CACNA1C: variants seen among roughly 807,000 people sequenced by gnomAD.
The protein encoded by CACNA1C is calcium voltage-gated channel subunit alpha1 C, also known as voltage-dependent L-type calcium channel subunit alpha-1C.
CACNA1C carries 30 observed loss-of-function variants against 229.0 expected under a neutral mutation model. The observed-to-expected ratio is 0.13, with a 90% confidence interval of 0.10 to 0.18. The LOEUF is 0.18. Among genes scored for constraint, CACNA1C ranks in the 10% least tolerant of loss-of-function variants. CACNA1C has a pLI of 1.00. For synonymous variants in CACNA1C, 1,114 were observed against 1,132.5 expected (o/e 0.98, Z 0.33); for missense variants, 1,658 against 2,845.0 (o/e 0.58, Z 9.49).
At chr12:2,337,640 A>G (rs2283301) in intron 3 of CACNA1C, among the ~76,000 whole-genome samples, 71,308 of 152,158 alleles carry the variant, frequency 0.47, 19,282 homozygotes, top group Non-Finnish European at 0.6. Context: ...CCCTTTAATA[A>G]TAATAGCTAA....
At chr12:2,295,784 C>A (rs1375018184) in intron 3 of CACNA1C, among the ~76,000 whole-genome samples, 1 of 152,224 alleles carries the variant, frequency 6.6e-6, no homozygotes, top group African/African-American at 2.4e-5. Flanking sequence ...CATACCTTGA[C>A]CAAGGTCATG....
At chr12:2,388,938 T>A (rs982899233) in intron 3 of CACNA1C, among the ~76,000 whole-genome samples, 3 of 152,160 alleles carry the variant, frequency 2.0e-5, no homozygotes, top group Non-Finnish European at 4.4e-5. Flanking sequence ...AGGAGAGATG[T>A]GGGAGAGAAA....
chr12:2,070,284 G>T (rs2060730175), intron 1 of CACNA1C, among the ~76,000 whole-genome samples: 1 of 152,206 alleles, frequency 6.6e-6, no homozygotes, highest in Non-Finnish European at 1.5e-5. Context: ...AAACTACTGA[G>T]AGAGTCTTAA....
intron 3 of CACNA1C, among the ~76,000 whole-genome samples, chr12:2,280,209 A>G (rs922996848): frequency 3.4e-5 from 4 of 118,724 alleles, no homozygotes; most frequent in African/African-American, 1.6e-4. Flanking sequence ...ACCTCTTGAG[A>G]CCTTGCTGTG....
intron 1 of CACNA1C, chr12:2,004,171 T>A (rs1324859538): frequency 1.4e-6 from 2 of 1,478,578 alleles, no homozygotes; most frequent in Non-Finnish European, 1.8e-6. Flanking sequence ...TCCACCCACT[T>A]CCAGGGCGTC....
intron 9 of CACNA1C, among the ~76,000 whole-genome samples, chr12:2,521,948 G>C (rs1371282200): frequency 2.6e-5 from 4 of 152,174 alleles, no homozygotes; most frequent in African/African-American, 9.7e-5. Flanking sequence ...TCTCCAACCT[G>C]TCCCAGCCAA....
At chr12:2,175,107 A>G (rs1212801042) in intron 3 of CACNA1C, among the ~76,000 whole-genome samples, 1 of 152,124 alleles carries the variant, frequency 6.6e-6, no homozygotes, top group Non-Finnish European at 1.5e-5. Context: ...GACAAGATTT[A>G]AAAAAATATA....
intron 11 of CACNA1C, among the ~76,000 whole-genome samples, chr12:2,558,929 G>A (rs756210041): frequency 1.3e-5 from 2 of 152,036 alleles, no homozygotes; most frequent in African/African-American, 2.4e-5. Context: ...CAGAGCAAGA[G>A]CTCCAGAAAT....
intron 3 of CACNA1C, among the ~76,000 whole-genome samples, chr12:2,141,364 G>C (rs1303335701): frequency 1.3e-5 from 2 of 151,236 alleles, no homozygotes; most frequent in Non-Finnish European, 3.0e-5. Flanking sequence ...GTGGTTGCCA[G>C]AGGGCCTGGC....
At chr12:2,611,819 C>A (rs1200140285) in intron 28 of CACNA1C, 84 bp from the exon 29 acceptor site, 7 of 818,760 alleles carry the variant, frequency 8.5e-6, no homozygotes, top group South Asian at 4.6e-5. Flanking sequence ...GAGGCGAGGG[C>A]CTTCGAGAAG....
intron 10 of CACNA1C, among the ~76,000 whole-genome samples, chr12:2,552,315 G>C (rs895936259): frequency 1.5e-5 from 1 of 68,236 alleles, no homozygotes; most frequent in Non-Finnish European, 3.7e-5. Flanking sequence ...AAATAAATAG[G>C]CAACTATAGG....
In CACNA1C at chr12:2,109,171, A is replaced by C. The variant is rs897925534; in HGVS notation, c.50-6053A>C. 1.4e-4 allele frequency among the ~76,000 whole-genome samples: 21 copies of C among 152,228 alleles called. 1 individual carries two copies. The highest frequency in any genetic ancestry group is 3.3e-4 in the Admixed American group (5 of 15,286). On this transcript the variant is annotated intron_variant, in intron 1 of 46. Transcript: ENST00000399655. ...GAAGGCACCAAGGCCAAGCAGGGTG[A>C]CTGCTGCTGAAGCAGGCTGGCAGCC...
rs11062265 is a variant in CACNA1C at position 2,539,829 on chromosome 12, C to T, written c.1391-10114C>T. Among the ~76,000 whole-genome samples, 705 of 111,226 alleles carry T rather than the reference C, an allele frequency of 6.3e-3. 5 individuals are homozygous for T. The highest frequency in any genetic ancestry group is 0.013 in the African/African-American group (342 of 26,608). 73.0% of individuals were successfully genotyped at this position (111,226 alleles called of 152,430 possible). On this transcript the variant is annotated intron_variant, in intron 9 of 46. Transcript: ENST00000399655. ...GCAGGGTTTAAGGACTTAAGGAGGGCTTCATAAAGATGCAGGCAGGGTTTA... is the reference window on the plus strand; with the variant it reads ...GCAGGGTTTAAGGACTTAAGGAGGGTTTCATAAAGATGCAGGCAGGGTTTA...
chr12:2,317,744 C>T (rs1460810369), intron 3 of CACNA1C, among the ~76,000 whole-genome samples: 2 of 152,036 alleles, frequency 1.3e-5, no homozygotes, highest in East Asian at 3.8e-4. Flanking sequence ...AGAAGAAATC[C>T]CTCCAAGCAC....
At chr12:2,070,741 G>T (rs1407178776) in intron 1 of CACNA1C, among the ~76,000 whole-genome samples, 2 of 152,118 alleles carry the variant, frequency 1.3e-5, no homozygotes, top group Non-Finnish European at 2.9e-5. Context: ...AAAATATATT[G>T]CTGGGAGTTG....
At position 2,608,767 on chromosome 12, in the gene CACNA1C, C is replaced by A; in HGVS notation, c.3558+55C>A. On this transcript the variant is annotated intron_variant, in intron 27 of 46. Coordinates refer to ENST00000399655, the MANE Select transcript of CACNA1C (RefSeq NM_000719.7). The surrounding 1 kb of genome is among the most constrained non-coding windows in gnomAD (Gnocchi z 4.2). ...CGGGGCCCACGGAGGGAATGGCAGC[C>A]TGCGGCCCACCCCGCAGAGGGGCTG... 6.4e-7 allele frequency: 1 copy of A among 1,571,262 alleles called. No individual in the cohort carries two copies. Among genetic ancestry groups the A allele is most frequent in the Non-Finnish European group, 8.7e-7 (1 of 1,147,228 alleles).
At position 1,996,631 on chromosome 12, in the gene CACNA1C, A is replaced by C. The variant is rs936725614; in HGVS notation, c.139+25430A>C. On this transcript the variant is annotated intron_variant, in intron 1 of 46. Coordinates refer to the CACNA1C transcript ENST00000682462. ...GCTGATGAGCTAAAAAAAAAAAAAAAAAAAAAAAAAAAAAAAAAAAAAAAC... is the reference window on the plus strand; with the variant it reads ...GCTGATGAGCTAAAAAAAAAAAAAACAAAAAAAAAAAAAAAAAAAAAAAAC... Among the ~76,000 whole-genome samples, 278 of 107,842 alleles carry C rather than the reference A, an allele frequency of 2.6e-3. 12 individuals are homozygous for C. The highest frequency in any genetic ancestry group is 0.01 in the African/African-American group (258 of 25,376). 70.7% of individuals were successfully genotyped at this position (107,842 alleles called of 152,430 possible).
intron 4 of CACNA1C, among the ~76,000 whole-genome samples, chr12:2,452,672 TC>T: frequency 6.6e-6 from 1 of 152,336 alleles, no homozygotes; most frequent in East Asian, 1.9e-4. Context: ...GTTTGAATTT[TC>T]TACCCTTTCA....
chr12:2,182,929 C>CGAAGGATT lies in CACNA1C; in HGVS notation c.477+62499_477+62500insGAAGGATT, dbSNP rs369901249. Among the ~76,000 whole-genome samples, 267 of 152,290 alleles carry CGAAGGATT rather than the reference C, an allele frequency of 1.8e-3. 1 individual carries two copies. The highest frequency in any genetic ancestry group is 6.1e-3 in the African/African-American group (252 of 41,560). On this transcript the variant is annotated intron_variant, in intron 3 of 46. Coordinates refer to ENST00000399655, the MANE Select transcript of CACNA1C (RefSeq NM_000719.7). Reference sequence around the variant, plus strand: ...GTGGTCTTGGTTTCGGTCCTTAGTCCACCGGATGCCAGGTAATCCTTAACC... The same window carrying CGAAGGATT: ...GTGGTCTTGGTTTCGGTCCTTAGTCCGAAGGATTACCGGATGCCAGGTAATCCTTAACC...
Sources: allele counts gnomAD v4.1 joint callset (sites outside exome capture counted in the v4.1 genomes callset), GRCh38; gene constraint gnomAD v4.1.1; non-coding constraint Gnocchi (gnomAD v3.1); transcripts MANE v1.5; gene names NCBI Gene and HGNC (gene_info 2026-07-23, HGNC 2026-07-21).